TRHDE: variants seen among roughly 807,000 people sequenced by gnomAD.
TRHDE encodes the protein thyrotropin-releasing hormone-degrading ectoenzyme.
In TRHDE, 72 loss-of-function variants were observed where a neutral mutation model predicts 125.7. The observed-to-expected ratio is 0.57, with a 90% CI of 0.47 to 0.70. The LOEUF (loss-of-function observed/expected upper bound fraction) is 0.70. Ranked by LOEUF, TRHDE falls within the 30% of genes least tolerant of loss-of-function variation. The pLI is 0.00. For missense variants in TRHDE, 1,110 were observed against 1,327.1 expected, an observed-to-expected ratio of 0.84 and a Z score of 2.54; for synonymous variants, 509 against 509.1, an observed-to-expected ratio of 1.00 and a Z score of 0.00.
intron 15 of TRHDE, among the ~76,000 whole-genome samples, chr12:72,625,587 T>C (rs1873225743): frequency 6.6e-6 from 1 of 152,002 alleles, no homozygotes; most frequent in Non-Finnish European, 1.5e-5. Context: ...TTGTCTTTAA[T>C]GATGATCATA....
chr12:72,591,076 T>G (rs1871652226), intron 12 of TRHDE, among the ~76,000 whole-genome samples: 1 of 152,208 alleles, frequency 6.6e-6, no homozygotes, highest in African/African-American at 2.4e-5. Flanking sequence ...TCTTACGTGG[T>G]AATAGGCAGG....
intron 12 of TRHDE, among the ~76,000 whole-genome samples, chr12:72,605,503 T>G (rs1872401596): frequency 6.6e-6 from 1 of 152,150 alleles, no homozygotes; most frequent in Admixed American, 6.5e-5. Context: ...CACAACTGTA[T>G]TTTAGAGGAT....
intron 2 of TRHDE, among the ~76,000 whole-genome samples, chr12:72,195,425 G>A (rs1055065762): frequency 4.6e-5 from 7 of 151,940 alleles, no homozygotes; most frequent in African/African-American, 1.2e-4. Flanking sequence ...GTTTTTTGAC[G>A]TTTTGATAGT....
At chr12:72,254,919 C>T (rs1001741971) in intron 2 of TRHDE, 1 of 152,244 alleles carries the variant, frequency 6.6e-6, no homozygotes, top group South Asian at 2.1e-4. Context: ...TTCTCTACCA[C>T]TCTTTACAGA....
intron 1 of TRHDE, among the ~76,000 whole-genome samples, chr12:72,276,616 C>T (rs1483091211): frequency 2.0e-5 from 3 of 152,176 alleles, no homozygotes; most frequent in Non-Finnish European, 4.4e-5. Flanking sequence ...TGGCTTTGTA[C>T]AACTGGGAAG....
chr12:72,588,996 T>C (rs903461959), intron 12 of TRHDE, among the ~76,000 whole-genome samples: 2 of 152,118 alleles, frequency 1.3e-5, no homozygotes, highest in Non-Finnish European at 2.9e-5. Flanking sequence ...AAGAACAACA[T>C]GAGGGTAACC....
At chr12:72,159,276 A>G (rs1876585586) in intron 2 of TRHDE, among the ~76,000 whole-genome samples, 1 of 152,216 alleles carries the variant, frequency 6.6e-6, no homozygotes, top group Admixed American at 6.5e-5. Context: ...AACAACAATA[A>G]TTGTCAAGAA....
intron 6 of TRHDE, among the ~76,000 whole-genome samples, chr12:72,519,938 C>T (rs1879095375): frequency 6.6e-6 from 1 of 152,154 alleles, no homozygotes; most frequent in Admixed American, 6.5e-5. Flanking sequence ...GGGGTGCCTC[C>T]CAGTGAGGCT....
At chr12:72,412,712 A>G (rs1873563923) in intron 3 of TRHDE, among the ~76,000 whole-genome samples, 1 of 152,154 alleles carries the variant, frequency 6.6e-6, no homozygotes, top group Non-Finnish European at 1.5e-5. Flanking sequence ...TAATAAAGCC[A>G]GGAACATGAA....
intron 12 of TRHDE, among the ~76,000 whole-genome samples, chr12:72,586,766 A>T (rs1329749034): frequency 6.6e-6 from 1 of 150,984 alleles, no homozygotes. Context: ...ACTCTCCAGG[A>T]CACCAGGTGG....
intron 1 of TRHDE, among the ~76,000 whole-genome samples, chr12:72,098,319 C>T (rs1219369424): frequency 6.6e-6 from 1 of 152,038 alleles, no homozygotes; most frequent in African/African-American, 2.4e-5. Context: ...ACCCTGTTTC[C>T]CCCAGTGGTC....
chr12:72,280,609 G>A (rs992576746), intron 1 of TRHDE, among the ~76,000 whole-genome samples: 2 of 152,180 alleles, frequency 1.3e-5, no homozygotes, highest in Admixed American at 6.5e-5. Context: ...GAATCTCCCA[G>A]CTTGGATCAA....
At chr12:72,620,910 G>A (rs1307577964) in intron 13 of TRHDE, among the ~76,000 whole-genome samples, 198 bp from the exon 14 acceptor site, 1 of 151,732 alleles carries the variant, frequency 6.6e-6, no homozygotes, top group African/African-American at 2.4e-5. Context: ...CATTCCAATA[G>A]CATTTTATCC....
intron 2 of TRHDE, among the ~76,000 whole-genome samples, chr12:72,355,692 C>T (rs1429738017): frequency 6.6e-6 from 1 of 151,766 alleles, no homozygotes; most frequent in Non-Finnish European, 1.5e-5. Flanking sequence ...CTACAAGGAA[C>T]TTAAACAAAT....
rs1185192606 is a variant in TRHDE at position 72,273,024 on chromosome 12, C to G, written c.381C>G (p.Gly127=). Reference sequence around the variant, plus strand: ...CAGGCGCCGACGGTGGCCCCTCAGGCTTTCCGGAGCGCGGCGGCAACGGGA... The same window carrying G: ...CAGGCGCCGACGGTGGCCCCTCAGGGTTTCCGGAGCGCGGCGGCAACGGGA... ...ATPGADGGPS[G]FPERGGNGSL... is the part of the protein sequence containing the mutation. The change falls in exon 1 of 19, where the codon GGC becomes GGG. Residue 127 remains glycine, a synonymous_variant. Transcript: ENST00000261180. The surrounding 1 kb of genome is among the most constrained non-coding windows in gnomAD (Gnocchi z 5.3). 1 of 1,539,012 alleles carries G rather than the reference C, an allele frequency of 6.5e-7. No homozygotes were observed. Among genetic ancestry groups the G allele is most frequent in the African/African-American group, 1.4e-5 (1 of 73,152 alleles).
rs1362189888 is a variant in TRHDE at position 72,223,999 on chromosome 12, G to T, written n.279+118247G>T. 4.0e-5 allele frequency among the ~76,000 whole-genome samples: 6 copies of T among 151,854 alleles called. No individual in the cohort carries two copies. The South Asian group carries it at 1.0e-3, about 26-fold the overall frequency. ...CGTAAAGGACGGGTGAAGGAGAAATGTCTCCTGTTTAAGTCACAATACTGC... is the reference window on the plus strand; with the variant it reads ...CGTAAAGGACGGGTGAAGGAGAAATTTCTCCTGTTTAAGTCACAATACTGC... On this transcript the variant is annotated intron_variant and non_coding_transcript_variant, in intron 2 of 4. Coordinates refer to the TRHDE transcript ENST00000548156.
intron 3 of TRHDE, among the ~76,000 whole-genome samples, chr12:72,398,522 A>C (rs974723757): frequency 3.9e-5 from 6 of 152,210 alleles, no homozygotes; most frequent in Non-Finnish European, 5.9e-5. Flanking sequence ...GAATTTTATC[A>C]CGATATTCTT....
At chr12:72,372,708 G>A (rs865832345) in intron 2 of TRHDE, among the ~76,000 whole-genome samples, 57 of 152,194 alleles carry the variant, frequency 3.7e-4, no homozygotes, top group African/African-American at 1.1e-3. Flanking sequence ...GTAGATATGC[G>A]GCACTATTTC....
At position 72,469,829 on chromosome 12, in the gene TRHDE, A is replaced by T. The variant is rs1157348172; in HGVS notation, c.1387A>T (p.Arg463Ter). The change falls in exon 4 of 19, where the codon AGA becomes TGA. Residue 463 changes from arginine to a stop codon, truncating the protein, a stop_gained. Transcript: ENST00000261180. LOFTEE classifies it high-confidence loss of function. ...GGGACTAAGTATTTTTGTGGAACAA[A>T]GAATACTGCTGGATCCCAGTGTTTC... ...NWGLSIFVEQ[R>*]ILLDPSVSSI... 5 of 1,614,030 alleles carry T rather than the reference A, an allele frequency of 3.1e-6. No individual in the cohort carries two copies. The highest frequency in any genetic ancestry group is 4.2e-6 in the Non-Finnish European group (5 of 1,179,990).
Sources: gnomAD v4.1 joint callset for allele counts (sites outside exome capture counted in the v4.1 genomes callset) on GRCh38, gnomAD v4.1.1 for gene constraint, Gnocchi (gnomAD v3.1) non-coding constraint, MANE v1.5 for transcripts, NCBI Gene and HGNC (gene_info 2026-07-23, HGNC 2026-07-21) for gene names.